PLCB3: variants seen among roughly 807,000 people sequenced by gnomAD.
PLCB3 encodes 1-phosphatidylinositol 4,5-bisphosphate phosphodiesterase beta-3.
A neutral mutation model predicts 152.1 loss-of-function variants in PLCB3; 54 were observed. The ratio of observed to expected loss-of-function variants is 0.36; its 90% confidence interval spans 0.29 to 0.45. The LOEUF (loss-of-function observed/expected upper bound fraction) is 0.45. PLCB3 is among the 20% of genes least tolerant of loss of function. The probability of loss-of-function intolerance (pLI) is 1.00; values close to 1 mark genes in which losing one functional copy is unlikely to be tolerated. For missense variants in PLCB3, 1,248 were observed against 1,687.5 expected, an observed-to-expected ratio of 0.74 and a Z score of 4.56; for synonymous variants, 717 against 698.7, an observed-to-expected ratio of 1.03 and a Z score of -0.41.
downstream of PLCB3, among the ~76,000 whole-genome samples, chr11:64,268,191 G>T (rs2032229988): frequency 6.6e-6 from 1 of 152,120 alleles, no homozygotes; most frequent in Non-Finnish European, 1.5e-5. Context: ...TGAGGCTCAG[G>T]CCTCTGCTTC....
In PLCB3 at chr11:64,258,722, G is replaced by GCC; in HGVS notation, c.1253+12_1253+13dup. On this transcript the variant is annotated intron_variant, in intron 11 of 30. Transcript: ENST00000279230. This position sits in a 1 kb window ranked among gnomAD's most constrained non-coding sequence, Gnocchi z 7.2. ...GAGAACCATGTGGACTCGTGAGTGAGCCCCTGGCATGAAACCCCATGGACC... is the reference window on the plus strand; with the variant it reads ...GAGAACCATGTGGACTCGTGAGTGAGCCCCCCTGGCATGAAACCCCATGGACC... 1.2e-6 allele frequency: 2 copies of GCC among 1,613,170 alleles called. No individual in the cohort carries two copies. The highest frequency in any genetic ancestry group is 1.7e-6 in the Non-Finnish European group (2 of 1,179,528).
At position 64,266,399 on chromosome 11, in the gene PLCB3, G is replaced by A. The variant is rs367747731; in HGVS notation, c.3351G>A (p.Lys1117=). The change falls in exon 28 of 31, where the codon AAG becomes AAA. Residue 1117 remains lysine (K), a synonymous_variant. Transcript: ENST00000279230. This position sits in a 1 kb window ranked among gnomAD's most constrained non-coding sequence, Gnocchi z 4.9. ...SEAKMRDKHK[K]EAELTEINRR... ...CCAAGATGAGGGACAAGCATAAGAA[G>A]GAGGCGTAAGGGCACCGGGACCGGG... 1.0e-5 allele frequency: 16 copies of A among 1,604,970 alleles called. No individual in the cohort carries two copies. The African/African-American group carries it at 1.7e-4, about 17-fold the overall frequency.
intron 18 of PLCB3, 42 bp from the exon 19 acceptor site, chr11:64,262,605 G>A: frequency 6.2e-7 from 1 of 1,612,524 alleles, no homozygotes; most frequent in Non-Finnish European, 8.5e-7. Flanking sequence ...CCTGGGGGCA[G>A]GACTCTCAGC....
rs1222807862 is a variant in PLCB3 at position 64,255,810 on chromosome 11, C to G, written c.687C>G (p.Ile229Met). 6.2e-7 allele frequency: 1 copy of G among 1,612,640 alleles called. No individual in the cohort carries two copies. The highest frequency in any genetic ancestry group is 1.1e-5 in the South Asian group (1 of 91,060). ...GTCTGCGGCCGGACATTGACAAGAT[C>G]CTGCTGGAGATGTGAGTGGGCCCGG... is the stretch of plus-strand genomic sequence containing the variant. ...KLCLRPDIDK[I>M]LLEIGAKGKP... is the part of the protein sequence containing the mutation. The change falls in exon 8 of 31, where the codon ATC becomes ATG. Residue 229 changes from isoleucine to methionine, a missense_variant. By Grantham distance (10) the Ile-to-Met change is conservative (BLOSUM62 1). Around this residue, in one of 6 missense-constraint regions of PLCB3, gnomAD observed 299 missense variants for 434.7 expected, o/e 0.69. Coordinates refer to ENST00000279230, the MANE Select transcript of PLCB3 (RefSeq NM_000932.5). This position sits in a 1 kb window ranked among gnomAD's most constrained non-coding sequence, Gnocchi z 6.8.
intron 10 of PLCB3, 27 bp downstream of exon 10, chr11:64,256,791 G>A (rs779464909): frequency 2.9e-5 from 46 of 1,609,306 alleles, no homozygotes; most frequent in Non-Finnish European, 3.5e-5. Flanking sequence ...GGTGGCACCC[G>A]TGACCTCTGC....
At chr11:64,262,925 G>C in intron 19 of PLCB3, 117 bp downstream of exon 19, 2 of 1,104,476 alleles carry the variant, frequency 1.8e-6, no homozygotes, top group Non-Finnish European at 2.6e-6. Context: ...TCAGAAAGTG[G>C]GGGGTGCCAT....
chr11:64,264,007 C>T lies in PLCB3; in HGVS notation c.2561-14C>T. ...GCTCTGTCTCTGAGACCTTGGCCTT[C>T]TGCCTCCCCCCAGACTATGCGGAGG... is the stretch of plus-strand genomic sequence containing the variant. On this transcript the variant is annotated splice_polypyrimidine_tract_variant and intron_variant, in intron 21 of 30. Coordinates refer to ENST00000279230, the MANE Select transcript of PLCB3 (RefSeq NM_000932.5). 1.9e-6 allele frequency: 3 copies of T among 1,563,806 alleles called. No individual in the cohort carries two copies. Among genetic ancestry groups the T allele is most frequent in the Non-Finnish European group, 2.6e-6 (3 of 1,153,816 alleles).
Position 64,261,381 on chromosome 11 carries a change from C to G in PLCB3, c.1732-19C>G. ...CTGTGGCGGGAATGGCACTGCTGAC[C>G]CTGGGTTGGGGCCCACAGGGCACAG... is the stretch of plus-strand genomic sequence containing the variant. On this transcript the variant is annotated intron_variant, in intron 14 of 30. Transcript: ENST00000279230. 16 of 1,602,600 alleles carry G rather than the reference C, an allele frequency of 1.0e-5. No individual in the cohort carries two copies. The highest frequency in any genetic ancestry group is 1.3e-5 in the Non-Finnish European group (15 of 1,169,932).
intron 20 of PLCB3, 22 bp from the exon 21 acceptor site, chr11:64,263,669 C>T (rs371759048): frequency 1.6e-5 from 26 of 1,609,526 alleles, no homozygotes; most frequent in Middle Eastern, 1.6e-4. Flanking sequence ...AGCAACCCAA[C>T]GTTGCCTTCC....
At position 64,260,765 on chromosome 11, in the gene PLCB3, A is replaced by G. The variant is rs568727332; in HGVS notation, c.1731+531A>G. On this transcript the variant is annotated intron_variant, in intron 14 of 30. Transcript: ENST00000279230. Reference sequence around the variant, plus strand: ...TCCAACGTGGGCTAAAAAGGGAGACACTATCTCAAAAAAAAAAAAAAAAAA... The same window carrying G: ...TCCAACGTGGGCTAAAAAGGGAGACGCTATCTCAAAAAAAAAAAAAAAAAA... 4.6e-5 allele frequency among the ~76,000 whole-genome samples: 5 copies of G among 109,622 alleles called. No individual in the cohort carries two copies. In the South Asian group the frequency reaches 1.5e-3, roughly 33 times the overall value. 71.9% of individuals were successfully genotyped at this position (109,622 alleles called of 152,430 possible). A position where few individuals can be genotyped will look rare whatever the true frequency, so the allele number is the denominator to read the frequency against.
At chr11:64,260,468 G>A (rs2031791559) in intron 14 of PLCB3, among the ~76,000 whole-genome samples, 1 of 152,050 alleles carries the variant, frequency 6.6e-6, no homozygotes, top group Non-Finnish European at 1.5e-5. Context: ...AGAGGATAGG[G>A]AGTCTACCCT....
In PLCB3 at chr11:64,266,336, G is replaced by C; in HGVS notation, c.3288G>C (p.Lys1096Asn). 1 of 1,613,432 alleles carries C rather than the reference G, an allele frequency of 6.2e-7. No individual in the cohort carries two copies. Among genetic ancestry groups the C allele is most frequent in the Middle Eastern group, 1.7e-4 (1 of 6,060 alleles). Reference protein sequence around the residue: ...MNEREKKELQKILDRKRHNSI... With the variant: ...MNEREKKELQNILDRKRHNSI... Reference sequence around the variant, plus strand: ...CCAGGGAGAAGAAGGAGCTGCAGAAGATCCTGGACAGAAAGCGCCATAACA... The same window carrying C: ...CCAGGGAGAAGAAGGAGCTGCAGAACATCCTGGACAGAAAGCGCCATAACA... The change falls in exon 28 of 31, where the codon AAG (lysine) becomes AAC (asparagine). Residue 1096 changes from lysine (K) to asparagine (N), a missense_variant. Transcript: ENST00000279230. This position sits in a 1 kb window ranked among gnomAD's most constrained non-coding sequence, Gnocchi z 4.9.
At chr11:64,252,889 G>C (rs2031308534) in intron 1 of PLCB3, among the ~76,000 whole-genome samples, 1 of 152,186 alleles carries the variant, frequency 6.6e-6, no homozygotes, top group African/African-American at 2.4e-5. Context: ...CAGACCCCTG[G>C]GGAGAGGTGG....
In PLCB3 at chr11:64,254,593, C is replaced by T. The variant is rs2031417532; in HGVS notation, c.177+101C>T. 3.7e-6 allele frequency: 5 copies of T among 1,357,038 alleles called. No individual in the cohort carries two copies. The African/African-American group carries it at 4.3e-5, about 12-fold the overall frequency. The allele number at this position is 1,357,038 out of a possible 1,614,324, so 84.1% of individuals were successfully genotyped here. A position where few individuals can be genotyped will look rare whatever the true frequency, so the allele number is the denominator to read the frequency against. ...GGGCCCGGCTGCAGGCTGACCTCTCCCACTGCTGCCCAGACAGGAAGTGCT... is the reference window on the plus strand; with the variant it reads ...GGGCCCGGCTGCAGGCTGACCTCTCTCACTGCTGCCCAGACAGGAAGTGCT... On this transcript the variant is annotated intron_variant, in intron 2 of 30. Transcript: ENST00000279230.
intron 10 of PLCB3, 74 bp downstream of exon 10, chr11:64,256,838 A>G: frequency 6.7e-7 from 1 of 1,492,132 alleles, no homozygotes; most frequent in Non-Finnish European, 9.2e-7. Flanking sequence ...CTCCTGGGGC[A>G]CAGTCCTTTT....
chr11:64,257,004 T>TTTTTTC (rs1555061418), intron 10 of PLCB3, among the ~76,000 whole-genome samples: 2 of 125,960 alleles, frequency 1.6e-5, no homozygotes, highest in Non-Finnish European at 3.6e-5. Context: ...GTCCTTTTTT[T>TTTTTTC]TTTTTTTTTT....
rs774524325 is a variant in PLCB3 at position 64,258,924 on chromosome 11, C to T, written c.1293C>T (p.Ser431=). 6.2e-7 allele frequency: 1 copy of T among 1,613,988 alleles called. No homozygotes were observed. The highest frequency in any genetic ancestry group is 1.1e-5 in the South Asian group (1 of 91,090). ...QQAKMAEYCR[S]IFGDALLIEP... ...CAAAGATGGCTGAGTACTGCCGCTC[C>T]ATCTTTGGAGACGCGCTACTCATCG... Residue 431 remains serine, a synonymous_variant, in exon 12 of 31, where the codon TCC becomes TCT. Transcript: ENST00000279230. The surrounding 1 kb of genome is among the most constrained non-coding windows in gnomAD (Gnocchi z 7.2).
intron 1 of PLCB3, among the ~76,000 whole-genome samples, chr11:64,252,166 G>A (rs2031244657): frequency 6.6e-6 from 1 of 151,948 alleles, no homozygotes; most frequent in East Asian, 1.9e-4. Context: ...TGTGTGCCAG[G>A]GCGCCCCTAC....
intron 19 of PLCB3, 136 bp from the exon 20 acceptor site, chr11:64,263,362 A>G (rs1487070730): frequency 1.1e-5 from 7 of 615,386 alleles, no homozygotes; most frequent in South Asian, 3.8e-5. Flanking sequence ...CTTAGTGGCA[A>G]TGGTGACTGA....
Sources: gnomAD v4.1 joint callset for allele counts (sites outside exome capture counted in the v4.1 genomes callset) on GRCh38, gnomAD v4.1.1 for gene constraint, gnomAD v4.1.1 regional missense constraint, Gnocchi (gnomAD v3.1) non-coding constraint, MANE v1.5 for transcripts, NCBI Gene and HGNC (gene_info 2026-07-23, HGNC 2026-07-21) for gene names.